STK40: variants seen among roughly 807,000 people sequenced by gnomAD.
STK40 encodes serine/threonine-protein kinase 40.
A neutral mutation model predicts 47.9 loss-of-function variants in STK40; 13 were observed. The observed-to-expected ratio is 0.27, with a 90% confidence interval of 0.18 to 0.43. The LOEUF (loss-of-function observed/expected upper bound fraction) is 0.43. STK40 is among the 20% of genes least tolerant of loss of function. The probability of loss-of-function intolerance (pLI) is 1.00; values close to 1 mark genes in which losing one functional copy is unlikely to be tolerated. For missense variants in STK40, 460 were observed against 595.1 expected (o/e 0.77, Z 2.36); for synonymous variants, 225 against 243.2 (o/e 0.93, Z 0.69).
chr1:36,381,544 G>C (rs929305322), intron 1 of STK40, among the ~76,000 whole-genome samples: 7 of 152,088 alleles, frequency 4.6e-5, no homozygotes, highest in African/African-American at 1.7e-4. Flanking sequence ...GCAGTGGTGT[G>C]ATTACAGCTT....
At position 36,340,168 on chromosome 1, in the gene STK40, C is replaced by G. The variant is rs1255710816; in HGVS notation, c.*1587G>C. 2 of 152,860 alleles carry G rather than the reference C, an allele frequency of 1.3e-5. No homozygotes were observed. The highest frequency in any genetic ancestry group is 2.9e-5 in the Non-Finnish European group (2 of 68,204). 9.5% of individuals were successfully genotyped at this position (152,860 alleles called of 1,614,324 possible). A position where few individuals can be genotyped will look rare whatever the true frequency, so the allele number is the denominator to read the frequency against. ...GCTCGCTGCTCAGGGGGAGTAAGTGCTGGGCTCCAGTAGGCTCCCACAGGC... is the reference window on the plus strand; with the variant it reads ...GCTCGCTGCTCAGGGGGAGTAAGTGGTGGGCTCCAGTAGGCTCCCACAGGC... On this transcript the variant is annotated 3_prime_UTR_variant, in exon 11 of 11. Coordinates refer to ENST00000373132, the MANE Select transcript of STK40 (RefSeq NM_001282547.2).
chr1:36,377,599 G>A (rs983701556), intron 1 of STK40, among the ~76,000 whole-genome samples: 3 of 151,224 alleles, frequency 2.0e-5, no homozygotes, highest in African/African-American at 4.9e-5. Flanking sequence ...AGAGAAGGCA[G>A]ACTTGAGAGA....
chr1:36,341,369 T>G lies in STK40; in HGVS notation c.*386A>C, dbSNP rs1646645524. 5.3e-6 allele frequency: 1 copy of G among 187,956 alleles called. No individual in the cohort carries two copies. Among genetic ancestry groups the G allele is most frequent in the Admixed American group, 5.6e-5 (1 of 17,888 alleles). The allele number at this position is 187,956 out of a possible 1,614,324, so 11.6% of individuals were successfully genotyped here. On this transcript the variant is annotated 3_prime_UTR_variant, in exon 11 of 11. Coordinates refer to ENST00000373132, the MANE Select transcript of STK40 (RefSeq NM_001282547.2). ...GCAGCGAGCTGCACTTTCAGCTTAT[T>G]TGGACTGTGGGGAGCAGCGCCCCAG...
At chr1:36,382,750 T>G (rs1647051122) in intron 1 of STK40, among the ~76,000 whole-genome samples, 2 of 152,234 alleles carry the variant, frequency 1.3e-5, no homozygotes, top group South Asian at 4.1e-4. Flanking sequence ...TAGCCTGTAA[T>G]AAGAGCTAAC....
In STK40 at chr1:36,343,322, C is replaced by T. The variant is rs1483634794; in HGVS notation, c.1089+42G>A. The T allele has an allele frequency of 2.5e-6, 4 of 1,589,902 alleles. No individual in the cohort carries two copies. In the African/African-American group the frequency reaches 4.0e-5, roughly 16 times the overall value. On this transcript the variant is annotated intron_variant, in intron 10 of 10. Transcript: ENST00000373132. ...CCCTGCCTGCCCCCAGAAGCCTGTC[C>T]CTTGGGGCTGGGTAATGGCCCATCT...
intron 1 of STK40, among the ~76,000 whole-genome samples, chr1:36,379,373 A>G (rs931785001): frequency 1.3e-5 from 2 of 151,182 alleles, no homozygotes; most frequent in African/African-American, 4.9e-5. Context: ...GCCAGGAGAG[A>G]ATGAACACCG....
intron 10 of STK40, 194 bp downstream of exon 10, chr1:36,343,170 C>CAGT (rs1557503330): frequency 1.4e-6 from 1 of 726,948 alleles, no homozygotes. Context: ...TCTCCAGCTA[C>CAGT]ACCAAGCCCA....
intron 1 of STK40, among the ~76,000 whole-genome samples, chr1:36,377,261 C>A (rs1011026453): frequency 6.6e-6 from 1 of 151,680 alleles, no homozygotes; most frequent in Non-Finnish European, 1.5e-5. Context: ...TGGAGCCAGG[C>A]GTGGTGGCTC....
chr1:36,367,695 C>T lies in STK40; in HGVS notation c.-8-6355G>A, dbSNP rs563150714. 7.2e-5 allele frequency among the ~76,000 whole-genome samples: 11 copies of T among 152,232 alleles called. No individual in the cohort carries two copies. The South Asian group carries it at 1.0e-3, about 14-fold the overall frequency. On this transcript the variant is annotated intron_variant, in intron 1 of 10. Coordinates refer to ENST00000373132, the MANE Select transcript of STK40 (RefSeq NM_001282547.2). ...CAAAGATGGCACTGAGCAGATGAAACGCCACCACTGATCTCCCCAGCTCAG... is the reference window on the plus strand; with the variant it reads ...CAAAGATGGCACTGAGCAGATGAAATGCCACCACTGATCTCCCCAGCTCAG...
chr1:36,356,418 C>CCTT (rs1473844769), intron 4 of STK40, among the ~76,000 whole-genome samples: 2 of 116,810 alleles, frequency 1.7e-5, no homozygotes, highest in Non-Finnish European at 3.5e-5. Flanking sequence ...TCTTCTTTTT[C>CCTT]TTTTTTTTTT....
At chr1:36,379,429 C>A (rs1647021449) in intron 1 of STK40, among the ~76,000 whole-genome samples, 1 of 149,376 alleles carries the variant, frequency 6.7e-6, no homozygotes, top group Admixed American at 6.7e-5. Context: ...CGGAGTCTCG[C>A]TCTCTCACCC....
Position 36,361,264 on chromosome 1 carries a change from C to T in STK40, c.69G>A (p.Gly23=). ...TSARAKALGS[G]ISGNNAKRAG... ...CTCTCTTTGCATTATTTCCAGAAATCCCACTTCCTAGAGCCTTGGCCCTGG... is the reference window on the plus strand; with the variant it reads ...CTCTCTTTGCATTATTTCCAGAAATTCCACTTCCTAGAGCCTTGGCCCTGG... Residue 23 remains glycine, a synonymous_variant, in exon 2 of 11, where the codon GGG becomes GGA. Transcript: ENST00000373132. 1 of 1,614,226 alleles carries T rather than the reference C, an allele frequency of 6.2e-7. No individual in the cohort carries two copies. Among genetic ancestry groups the T allele is most frequent in the East Asian group, 2.2e-5 (1 of 44,888 alleles).
intron 1 of STK40, among the ~76,000 whole-genome samples, chr1:36,376,466 C>T (rs959559088): frequency 2.6e-5 from 4 of 152,232 alleles, no homozygotes; most frequent in African/African-American, 9.6e-5. Flanking sequence ...TGCAGATATA[C>T]TCACACAGGT....
chr1:36,354,539 T>C, intron 5 of STK40, 123 bp from the exon 6 acceptor site: 1 of 969,652 alleles, frequency 1.0e-6, no homozygotes. Context: ...ATGTGTCTCT[T>C]TAGGCTCCAA....
At chr1:36,355,820 C>T (rs1016870230) in intron 4 of STK40, among the ~76,000 whole-genome samples, 2 of 152,172 alleles carry the variant, frequency 1.3e-5, no homozygotes, top group African/African-American at 4.8e-5. Context: ...CAACAGAACC[C>T]CCTTTTGATA....
At chr1:36,376,551 A>C (rs1646993763) in intron 1 of STK40, among the ~76,000 whole-genome samples, 1 of 151,818 alleles carries the variant, frequency 6.6e-6, no homozygotes, top group South Asian at 2.1e-4. Context: ...CATAAAAATC[A>C]ACACACACAC....
chr1:36,344,178 C>T lies in STK40; in HGVS notation c.826G>A (p.Asp276Asn). 2.5e-6 allele frequency: 4 copies of T among 1,611,792 alleles called. No homozygotes were observed. The highest frequency in any genetic ancestry group is 2.2e-5 in the East Asian group (1 of 44,728). ...CGGAAGAGCTCCTGCGGGATGCTGT[C>T]GTAGAAGGGGAACTGGCCATACAGC... is the stretch of plus-strand genomic sequence containing the variant. ...TMLYGQFPFY[D>N]SIPQELFRKI... Residue 276 changes from aspartate to asparagine, a missense_variant, in exon 8 of 11, where the codon GAC (aspartate) becomes AAC (asparagine). By Grantham distance (23) the Asp-to-Asn change is conservative. Transcript: ENST00000373132.
chr1:36,344,210 A>G lies in STK40; in HGVS notation c.794T>C (p.Phe265Ser). Residue 265 changes from phenylalanine to serine, a missense_variant, in exon 8 of 11, where the codon TTC becomes TCC. Physicochemically the swap from Phe to Ser is radical, Grantham distance 155. Transcript: ENST00000373132. ...GGGGAACTGGCCATACAGCATGGTG[A>G]AGAGCACCACGCCCAGGGCCCACAT... ...SDMWALGVVL[F>S]TMLYGQFPFY... is the part of the protein sequence containing the mutation. 6.2e-7 allele frequency: 1 copy of G among 1,612,816 alleles called. No homozygotes were observed. Among genetic ancestry groups the G allele is most frequent in the South Asian group, 1.1e-5 (1 of 91,048 alleles).
chr1:36,385,495 G>C (rs1044885847), intron 1 of STK40, among the ~76,000 whole-genome samples: 5 of 152,176 alleles, frequency 3.3e-5, no homozygotes, highest in Non-Finnish European at 7.3e-5. Context: ...GCTGCGGCGG[G>C]GACTGAAGCT....
Sources: allele counts gnomAD v4.1 joint callset (sites outside exome capture counted in the v4.1 genomes callset), GRCh38; gene constraint gnomAD v4.1.1; transcripts MANE v1.5; gene names NCBI Gene and HGNC (gene_info 2026-07-23, HGNC 2026-07-21).